SORCS2: variants seen among roughly 807,000 people sequenced by gnomAD.
The protein encoded by SORCS2 is sortilin related VPS10 domain containing receptor 2.
Under a neutral mutation model 141.6 loss-of-function variants are expected in SORCS2, and 100 were observed. The ratio of observed to expected loss-of-function variants is 0.71; its 90% CI spans 0.60 to 0.83. SORCS2 has a LOEUF of 0.83. SORCS2 is among the 40% of genes least tolerant of loss of function. The probability of loss-of-function intolerance (pLI) is 0.00; values close to 1 mark genes in which losing one functional copy is unlikely to be tolerated. For missense variants in SORCS2, 1,646 were observed against 1,560.2 expected, an observed-to-expected ratio of 1.05 and a Z score of -0.93; for synonymous variants, 789 against 676.9, an observed-to-expected ratio of 1.17 and a Z score of -2.57.
At chr4:7,566,440 T>C (rs1325875277) in intron 3 of SORCS2, among the ~76,000 whole-genome samples, 1 of 152,184 alleles carries the variant, frequency 6.6e-6, no homozygotes, top group Non-Finnish European at 1.5e-5. Flanking sequence ...CAGTTAATAT[T>C]TACTGAGCCT....
intron 3 of SORCS2, among the ~76,000 whole-genome samples, chr4:7,605,918 G>T (rs1718030394): frequency 6.6e-6 from 1 of 152,132 alleles, no homozygotes; most frequent in Non-Finnish European, 1.5e-5. Context: ...CCCAGGTGGT[G>T]GTCTCTGTGG....
chr4:7,532,168 A>C (rs10021929), intron 3 of SORCS2, among the ~76,000 whole-genome samples: 14,519 of 152,166 alleles, frequency 0.095, 796 homozygotes, highest in African/African-American at 0.15. Flanking sequence ...GTTCCGTGAG[A>C]AGAGCCCTCC....
chr4:7,730,941 G>A (rs1711609998), intron 23 of SORCS2, among the ~76,000 whole-genome samples: 1 of 152,338 alleles, frequency 6.6e-6, no homozygotes, highest in Admixed American at 6.5e-5. Context: ...GGAGACTGAT[G>A]CTCACTCAGG....
intron 4 of SORCS2, among the ~76,000 whole-genome samples, chr4:7,651,177 G>A (rs1721424389): frequency 6.6e-6 from 1 of 152,114 alleles, no homozygotes; most frequent in East Asian, 1.9e-4. Flanking sequence ...AAGGGAAAAG[G>A]GACAGAGTCT....
intron 1 of SORCS2, among the ~76,000 whole-genome samples, chr4:7,302,606 T>G (rs1717505568): frequency 6.6e-6 from 1 of 152,162 alleles, no homozygotes; most frequent in South Asian, 2.1e-4. Flanking sequence ...TGGACCTGTT[T>G]TTCTCCATGG....
chr4:7,263,446 C>T (rs1423391342), intron 1 of SORCS2, among the ~76,000 whole-genome samples: 5 of 152,168 alleles, frequency 3.3e-5, no homozygotes, highest in South Asian at 2.1e-4. Flanking sequence ...CTGGGCAGGA[C>T]GCTGGCCGGG....
intron 10 of SORCS2, among the ~76,000 whole-genome samples, chr4:7,683,989 A>C (rs77804387): frequency 0.03 from 4,635 of 152,264 alleles, 118 homozygotes; most frequent in Middle Eastern, 0.088. Context: ...GCCAGGGACC[A>C]GTGGATGCAA....
intron 1 of SORCS2, among the ~76,000 whole-genome samples, chr4:7,206,033 G>A (rs1266825992): frequency 6.6e-6 from 1 of 152,092 alleles, no homozygotes; most frequent in Non-Finnish European, 1.5e-5. Flanking sequence ...GTGACAGAAT[G>A]AGACTCCATC....
At chr4:7,456,528 T>C (rs959887024) in intron 2 of SORCS2, among the ~76,000 whole-genome samples, 5 of 152,140 alleles carry the variant, frequency 3.3e-5, no homozygotes, top group Admixed American at 6.5e-5. Context: ...GTCCGGGCAC[T>C]GTTGTCCCTC....
intron 2 of SORCS2, chr4:7,434,203 T>G (rs370798066): frequency 9.9e-6 from 16 of 1,613,792 alleles, no homozygotes; most frequent in Non-Finnish European, 1.4e-5. Flanking sequence ...GAAGAGGTAG[T>G]TCTTGCAGAG....
chr4:7,257,991 C>T (rs1230055336), intron 1 of SORCS2, among the ~76,000 whole-genome samples: 2 of 152,226 alleles, frequency 1.3e-5, no homozygotes, highest in Non-Finnish European at 2.9e-5. Context: ...CCCATGGCTA[C>T]AGCTCTCACC....
chr4:7,648,272 C>A lies in SORCS2; in HGVS notation c.814-5862C>A. On this transcript the variant is annotated intron_variant, in intron 4 of 26. Coordinates refer to ENST00000507866, the MANE Select transcript of SORCS2 (RefSeq NM_020777.3). The surrounding 1 kb of genome is among the most constrained non-coding windows in gnomAD (Gnocchi z 4.2). ...AGAAAGGAGCCAGCTTCTGCTGGGC[C>A]CTGCTAAGTTGGGGGTGGTGCAGGG... Among the ~76,000 whole-genome samples, 1 of 152,050 alleles carries A rather than the reference C, an allele frequency of 6.6e-6. No individual in the cohort carries two copies. The highest frequency in any genetic ancestry group is 1.9e-4 in the East Asian group (1 of 5,182).
intron 2 of SORCS2, among the ~76,000 whole-genome samples, chr4:7,408,287 G>A (rs1182218390): frequency 6.6e-6 from 1 of 152,056 alleles, no homozygotes; most frequent in Non-Finnish European, 1.5e-5. Context: ...CAGATGCGGG[G>A]GTGGTGAATT....
At chr4:7,701,970 G>GCCTCCTT (rs941149921) in intron 12 of SORCS2, among the ~76,000 whole-genome samples, 1 of 152,154 alleles carries the variant, frequency 6.6e-6, no homozygotes, top group Non-Finnish European at 1.5e-5. Flanking sequence ...GGTCAGCCGA[G>GCCTCCTT]CCTCCTTCCT....
chr4:7,568,364 T>C (rs1395824565), intron 3 of SORCS2, among the ~76,000 whole-genome samples: 4 of 152,158 alleles, frequency 2.6e-5, no homozygotes, highest in African/African-American at 9.7e-5. Flanking sequence ...CCTAATAGCG[T>C]AGGTATTCTT....
intron 2 of SORCS2, among the ~76,000 whole-genome samples, chr4:7,410,900 A>G (rs1009925579): frequency 2.0e-5 from 3 of 146,822 alleles, no homozygotes; most frequent in South Asian, 4.3e-4. Flanking sequence ...ATTTGAGGAG[A>G]CTTCTCAGCA....
chr4:7,713,955 C>G (rs1022091827), intron 15 of SORCS2, among the ~76,000 whole-genome samples: 1 of 152,190 alleles, frequency 6.6e-6, no homozygotes, highest in Admixed American at 6.5e-5. Flanking sequence ...GCTGAGGGGA[C>G]GAGGGGAACC....
chr4:7,554,531 C>T (rs1397884020), intron 3 of SORCS2, among the ~76,000 whole-genome samples: 2 of 152,106 alleles, frequency 1.3e-5, no homozygotes, highest in Middle Eastern at 3.4e-3. Context: ...AGACAGCCCA[C>T]CATTAGGATA....
rs569344328 is a variant in SORCS2 at position 7,359,503 on chromosome 4, CTT to C, written c.481-36783_481-36782del. Among the ~76,000 whole-genome samples, 8 of 152,264 alleles carry C rather than the reference CTT, an allele frequency of 5.3e-5. No homozygotes were observed. The South Asian group carries it at 1.7e-3, about 32-fold the overall frequency. On this transcript the variant is annotated intron_variant, in intron 1 of 26. Transcript: ENST00000507866. ...GGGGAGCTGCTGTTTGTTTAATTGA[CTT>C]TGTGTAAGCAGAAGCCATGGCGGGA...
Sources: gnomAD v4.1 joint callset for allele counts (sites outside exome capture counted in the v4.1 genomes callset) on GRCh38, gnomAD v4.1.1 for gene constraint, Gnocchi (gnomAD v3.1) non-coding constraint, MANE v1.5 for transcripts, NCBI Gene and HGNC (gene_info 2026-07-23, HGNC 2026-07-21) for gene names.